Variants in DSCAML1 observed in about 807,000 individuals in gnomAD.
The protein encoded by DSCAML1 is DS cell adhesion molecule like 1.
Under a neutral mutation model 200.5 loss-of-function variants are expected in DSCAML1, and 38 were observed. The ratio of observed to expected loss-of-function variants is 0.19; its 90% confidence interval spans 0.15 to 0.25. The LOEUF (loss-of-function observed/expected upper bound fraction) is 0.25, where lower values mean the gene tolerates loss of function less well. DSCAML1 is among the 10% of genes least tolerant of loss of function. The pLI, the probability that DSCAML1 is intolerant of heterozygous loss-of-function variation, is 1.00. For synonymous variants in DSCAML1, 1,215 were observed against 1,165.0 expected (o/e 1.04, Z -0.87); for missense variants, 2,223 against 2,858.8 (o/e 0.78, Z 5.07).
intron 3 of DSCAML1, among the ~76,000 whole-genome samples, chr11:117,550,760 A>T (rs1207763294): frequency 1.3e-5 from 2 of 152,034 alleles, no homozygotes; most frequent in Non-Finnish European, 2.9e-5. Context: ...CCCACCTCTC[A>T]CTCGCTGACA....
At chr11:117,527,982 G>A (rs779479063) in intron 4 of DSCAML1, among the ~76,000 whole-genome samples, 1 of 152,162 alleles carries the variant, frequency 6.6e-6, no homozygotes, top group Admixed American at 6.5e-5. Flanking sequence ...CCTAGAGCCC[G>A]AGTTTCCCCA....
At chr11:117,588,561 C>T (rs974603794) in intron 3 of DSCAML1, among the ~76,000 whole-genome samples, 9 of 152,318 alleles carry the variant, frequency 5.9e-5, no homozygotes, top group African/African-American at 1.9e-4. Flanking sequence ...ACACAGGCAT[C>T]CCGGATACAA....
chr11:117,668,830 G>A (rs1339626680), intron 3 of DSCAML1: 6 of 152,152 alleles, frequency 3.9e-5, no homozygotes, highest in Non-Finnish European at 8.8e-5. Context: ...TCTGATGCTG[G>A]AGTTAATAAA....
In DSCAML1 at chr11:117,517,686, C is replaced by A. The variant is rs1403576505; in HGVS notation, c.1510+780G>T. Among the ~76,000 whole-genome samples, 4 of 152,218 alleles carry A rather than the reference C, an allele frequency of 2.6e-5. No individual in the cohort carries two copies. In the East Asian group the frequency reaches 7.7e-4, roughly 29 times the overall value. On this transcript the variant is annotated intron_variant, in intron 7 of 32. Transcript: ENST00000651296. The stretch of plus-strand genomic sequence containing the variant: ...AACCAGGGGTGCCCCTGGATCAGTG[C>A]CCCTTCCCTTCCTGCTGTCCCCCTG...
chr11:117,492,980 C>A (rs1277752706), intron 11 of DSCAML1, among the ~76,000 whole-genome samples: 2 of 152,250 alleles, frequency 1.3e-5, no homozygotes, highest in Non-Finnish European at 2.9e-5. Flanking sequence ...AGCTTCAGCG[C>A]CAAGAGCCAG....
intron 1 of DSCAML1, among the ~76,000 whole-genome samples, chr11:117,803,606 G>A (rs746445330): frequency 9.0e-6 from 1 of 111,366 alleles, no homozygotes; most frequent in Non-Finnish European, 1.9e-5. Context: ...AGCCCTCAAT[G>A]GTCTAAGCTT....
chr11:117,478,037 G>A (rs141264776), intron 14 of DSCAML1, among the ~76,000 whole-genome samples: 31 of 152,316 alleles, frequency 2.0e-4, no homozygotes, highest in Non-Finnish European at 3.1e-4. Context: ...GTGGTCTACC[G>A]CAGTTCCTCA....
chr11:117,791,410 C>T (rs762523714), intron 1 of DSCAML1, among the ~76,000 whole-genome samples: 3 of 152,216 alleles, frequency 2.0e-5, no homozygotes, highest in African/African-American at 4.8e-5. Context: ...GGAGTGCTTA[C>T]GCAGGCTTTA....
chr11:117,432,139 G>C (rs190447622), intron 30 of DSCAML1, among the ~76,000 whole-genome samples: 11 of 152,272 alleles, frequency 7.2e-5, no homozygotes, highest in Admixed American at 6.5e-4. Flanking sequence ...TAAGGAAACA[G>C]GCCCAGAGAG....
At chr11:117,513,459 A>T (rs1233674566) in intron 8 of DSCAML1, among the ~76,000 whole-genome samples, 1 of 152,228 alleles carries the variant, frequency 6.6e-6, no homozygotes, top group East Asian at 1.9e-4. Flanking sequence ...GTCCACTTTC[A>T]TCCGGGAGCG....
At chr11:117,752,848 C>T (rs557420368) in intron 3 of DSCAML1, among the ~76,000 whole-genome samples, 4 of 152,350 alleles carry the variant, frequency 2.6e-5, no homozygotes, top group African/African-American at 9.6e-5. Flanking sequence ...CACCCAGGAC[C>T]ACTGAGCAGG....
Position 117,469,798 on chromosome 11 carries a change from A to G in DSCAML1, c.3024+112T>C. 1.1e-6 allele frequency: 1 copy of G among 947,932 alleles called. No individual in the cohort carries two copies. Among genetic ancestry groups the G allele is most frequent in the Non-Finnish European group, 1.5e-6 (1 of 670,814 alleles). The allele number at this position is 947,932 out of a possible 1,614,324, so 58.7% of individuals were successfully genotyped here. A position where few individuals can be genotyped will look rare whatever the true frequency, so the allele number is the denominator to read the frequency against. The stretch of plus-strand genomic sequence containing the variant: ...CACTAGGTTTAGTGACAAAACAGAC[A>G]TGGGCATCATATAAGACTAGAGACT... On this transcript the variant is annotated intron_variant, in intron 16 of 32. Transcript: ENST00000651296. This position sits in a 1 kb window ranked among gnomAD's most constrained non-coding sequence, Gnocchi z 4.1.
intron 11 of DSCAML1, among the ~76,000 whole-genome samples, chr11:117,492,030 A>C (rs1209564495): frequency 6.6e-6 from 1 of 152,232 alleles, no homozygotes; most frequent in East Asian, 1.9e-4. Context: ...TCACCTTGGA[A>C]GCTTTTAAAA....
chr11:117,678,328 T>A (rs369439647), intron 3 of DSCAML1, among the ~76,000 whole-genome samples: 3 of 152,262 alleles, frequency 2.0e-5, no homozygotes, highest in East Asian at 3.9e-4. Context: ...AGATGAGGGT[T>A]TGCAGTTTTG....
At chr11:117,618,439 T>G (rs1370687597) in intron 3 of DSCAML1, among the ~76,000 whole-genome samples, 2 of 152,136 alleles carry the variant, frequency 1.3e-5, no homozygotes, top group Non-Finnish European at 2.9e-5. Flanking sequence ...ATATAACAGC[T>G]CTTCAGTTTT....
chr11:117,538,553 C>T (rs1266881586), intron 3 of DSCAML1, among the ~76,000 whole-genome samples: 1 of 152,228 alleles, frequency 6.6e-6, no homozygotes, highest in East Asian at 1.9e-4. Context: ...CTTGGCAATT[C>T]TGAGGCCCTG....
At chr11:117,585,390 C>A (rs550515825) in intron 3 of DSCAML1, among the ~76,000 whole-genome samples, 3 of 152,170 alleles carry the variant, frequency 2.0e-5, no homozygotes, top group East Asian at 3.9e-4. Context: ...GCTGGGACTA[C>A]AGGCGCCCAC....
intron 3 of DSCAML1, among the ~76,000 whole-genome samples, chr11:117,657,951 G>A (rs1201838945): frequency 6.6e-6 from 1 of 152,186 alleles, no homozygotes; most frequent in Non-Finnish European, 1.5e-5. Flanking sequence ...AGCACAATGA[G>A]CACAGACTGC....
Position 117,505,775 on chromosome 11 carries a change from C to G in DSCAML1, c.1784-43G>C. 6.4e-7 allele frequency: 1 copy of G among 1,573,198 alleles called. No individual in the cohort carries two copies. The highest frequency in any genetic ancestry group is 1.3e-5 in the African/African-American group (1 of 74,366). On this transcript the variant is annotated intron_variant, in intron 8 of 32. Coordinates refer to ENST00000651296, the MANE Select transcript of DSCAML1 (RefSeq NM_020693.4). This position sits in a 1 kb window ranked among gnomAD's most constrained non-coding sequence, Gnocchi z 6.7. ...TGCTGCCGTCAGGACCCTGTGCATT[C>G]TCACCTGGCCGCCAACGCCGCCTCA...
Sources: gnomAD v4.1 joint callset for allele counts (sites outside exome capture counted in the v4.1 genomes callset) on GRCh38, gnomAD v4.1.1 for gene constraint, Gnocchi (gnomAD v3.1) non-coding constraint, MANE v1.5 for transcripts, NCBI Gene and HGNC (gene_info 2026-07-23, HGNC 2026-07-21) for gene names.